SYN3: variants seen among roughly 807,000 people sequenced by gnomAD.
SYN3 encodes synapsin-3.
SYN3 carries 35 observed loss-of-function variants against 65.8 expected under a neutral mutation model. The observed-to-expected ratio is 0.53, with a 90% CI of 0.41 to 0.70. The LOEUF (loss-of-function observed/expected upper bound fraction) is 0.70, where lower values mean the gene tolerates loss of function less well. Among genes scored for constraint, SYN3 ranks in the 30% least tolerant of loss-of-function variants. SYN3 has a pLI of 0.00. For synonymous variants in SYN3, 270 were observed against 292.9 expected (o/e 0.92, Z 0.80); for missense variants, 680 against 749.0 (o/e 0.91, Z 1.08).
At chr22:32,946,484 T>C (rs5754351) in intron 3 of SYN3, among the ~76,000 whole-genome samples, 47,173 of 147,062 alleles carry the variant, frequency 0.32, 8,073 homozygotes, top group East Asian at 0.75. Context: ...TAGGTGGGAA[T>C]TGAACAATGA....
At chr22:32,964,464 T>C (rs916478685) in intron 3 of SYN3, among the ~76,000 whole-genome samples, 7 of 150,180 alleles carry the variant, frequency 4.7e-5, no homozygotes, top group African/African-American at 9.8e-5. Flanking sequence ...CCAGAGAGGC[T>C]GTCTGTGGTC....
rs533994232 is a variant in SYN3, at chr22:32,564,769, T to C, written c.775-23056A>G. On this transcript the variant is annotated intron_variant, in intron 7 of 13. Coordinates refer to ENST00000358763, the MANE Select transcript of SYN3 (RefSeq NM_003490.4). ...GGCTGCACCCAGTGCTCCCGCATTG[T>C]ACCCAAACAGTGCTCCTGGGCTGCA... Among the ~76,000 whole-genome samples the C allele has an allele frequency of 2.0e-4, 24 of 117,130 alleles. No homozygotes were observed. The South Asian group carries it at 6.4e-3, about 31-fold the overall frequency. 76.8% of individuals were successfully genotyped at this position (117,130 alleles called of 152,430 possible). A position where few individuals can be genotyped will look rare whatever the true frequency, so the allele number is the denominator to read the frequency against.
At chr22:32,665,651 G>A (rs1044597579) in intron 6 of SYN3, among the ~76,000 whole-genome samples, 3 of 151,826 alleles carry the variant, frequency 2.0e-5, no homozygotes, top group African/African-American at 7.3e-5. Flanking sequence ...GTGTGTTTTG[G>A]CCTTTAGGAC....
chr22:33,010,329 G>A (rs768027560), intron 1 of SYN3, among the ~76,000 whole-genome samples: 26 of 152,110 alleles, frequency 1.7e-4, no homozygotes, highest in African/African-American at 6.0e-4. Context: ...TGTTGAGGTC[G>A]GGGATCCAAC....
intron 4 of SYN3, among the ~76,000 whole-genome samples, chr22:32,890,032 T>G (rs9606997): frequency 0.1 from 15,140 of 148,880 alleles, 1,224 homozygotes; most frequent in East Asian, 0.42. Context: ...ATTTCGTGGT[T>G]TCCTCCATTT....
intron 1 of SYN3, among the ~76,000 whole-genome samples, chr22:33,040,449 C>G (rs2053943428): frequency 1.3e-5 from 2 of 152,216 alleles, no homozygotes; most frequent in Non-Finnish European, 2.9e-5. Context: ...CCACTGCTCT[C>G]CATGCATCCA....
intron 6 of SYN3, among the ~76,000 whole-genome samples, chr22:32,718,224 AT>A (rs1234395808): frequency 6.6e-6 from 1 of 151,942 alleles, no homozygotes; most frequent in East Asian, 1.9e-4. Flanking sequence ...TGCTTCCCAT[AT>A]TCTCCCACAT....
chr22:32,545,257 T>C (rs2058320035), intron 7 of SYN3, among the ~76,000 whole-genome samples: 1 of 152,234 alleles, frequency 6.6e-6, no homozygotes, highest in Non-Finnish European at 1.5e-5. Flanking sequence ...TGGGCTGCTT[T>C]TGTGCAGAGC....
chr22:33,054,095 G>GATCAAA (rs2054216371), intron 1 of SYN3, among the ~76,000 whole-genome samples: 1 of 152,166 alleles, frequency 6.6e-6, no homozygotes, highest in African/African-American at 2.4e-5. Flanking sequence ...CCTATGAATA[G>GATCAAA]TTATAAAGAT....
intron 7 of SYN3, among the ~76,000 whole-genome samples, chr22:32,555,163 G>A (rs1473428974): frequency 6.6e-6 from 1 of 152,060 alleles, no homozygotes; most frequent in Admixed American, 6.6e-5. Flanking sequence ...CTAGGCCGAG[G>A]AAAAAAGGAG....
chr22:33,011,679 C>T (rs2053355367), intron 1 of SYN3, among the ~76,000 whole-genome samples: 1 of 152,028 alleles, frequency 6.6e-6, no homozygotes, highest in Non-Finnish European at 1.5e-5. Context: ...TGGCAGAATT[C>T]AACAGTGAAA....
intron 3 of SYN3, among the ~76,000 whole-genome samples, chr22:32,964,574 C>T (rs1322720256): frequency 3.3e-5 from 5 of 152,116 alleles, no homozygotes; most frequent in Non-Finnish European, 7.3e-5. Flanking sequence ...AACAGGTAGA[C>T]ACAGGTTATG....
intron 4 of SYN3, among the ~76,000 whole-genome samples, chr22:32,875,000 A>G (rs1182996193): frequency 3.3e-5 from 5 of 152,236 alleles, no homozygotes. Context: ...TTCTGCAAGG[A>G]TAAAGCCAAG....
intron 1 of SYN3, among the ~76,000 whole-genome samples, chr22:33,031,702 C>T (rs1018219137): frequency 6.6e-6 from 1 of 152,014 alleles, no homozygotes; most frequent in Admixed American, 6.5e-5. Flanking sequence ...ATTCCCCCAG[C>T]ACCCCTGTCC....
At chr22:33,053,791 T>C (rs2054210396) in intron 1 of SYN3, among the ~76,000 whole-genome samples, 1 of 152,000 alleles carries the variant, frequency 6.6e-6, no homozygotes, top group Non-Finnish European at 1.5e-5. Flanking sequence ...TCTCCTGGAG[T>C]TGTGGGCTGC....
At chr22:32,627,069 C>G (rs1166664848) in intron 6 of SYN3, among the ~76,000 whole-genome samples, 2 of 152,062 alleles carry the variant, frequency 1.3e-5, no homozygotes, top group South Asian at 4.1e-4. Context: ...GCTGGGGCGT[C>G]GAGGGGTAGC....
chr22:33,010,346 T>C (rs1322674633), intron 1 of SYN3, among the ~76,000 whole-genome samples: 1 of 152,162 alleles, frequency 6.6e-6, no homozygotes, highest in African/African-American at 2.4e-5. Context: ...CAACTAAACT[T>C]GATTTTTGAG....
At chr22:32,831,888 A>G (rs191818432) in intron 6 of SYN3, among the ~76,000 whole-genome samples, 2 of 152,340 alleles carry the variant, frequency 1.3e-5, no homozygotes, top group Admixed American at 1.3e-4. Context: ...TGGCTAATGA[A>G]GAAAACAGAT....
chr22:32,928,524 T>A (rs947764275), intron 4 of SYN3, among the ~76,000 whole-genome samples: 1 of 152,186 alleles, frequency 6.6e-6, no homozygotes, highest in Non-Finnish European at 1.5e-5. Flanking sequence ...GCTGAATGAG[T>A]GTCACTTTGC....
Sources: allele counts gnomAD v4.1 joint callset (sites outside exome capture counted in the v4.1 genomes callset), GRCh38; gene constraint gnomAD v4.1.1; transcripts MANE v1.5; gene names NCBI Gene and HGNC (gene_info 2026-07-23, HGNC 2026-07-21).